The following MGA variants were observed in gnomAD, a reference collection of about 807,000 sequenced individuals.
The protein encoded by MGA is MAX gene-associated protein.
A neutral mutation model predicts 261.1 loss-of-function variants in MGA; 40 were observed. The ratio of observed to expected loss-of-function variants is 0.15; its 90% CI spans 0.12 to 0.20. MGA has a LOEUF of 0.20. Ranked by LOEUF, MGA falls within the 10% of genes least tolerant of loss-of-function variation. The pLI is 1.00. For missense variants in MGA, 3,397 were observed against 3,630.5 expected, an observed-to-expected ratio of 0.94 and a Z score of 1.65; for synonymous variants, 1,302 against 1,290.6, an observed-to-expected ratio of 1.01 and a Z score of -0.19.
chr15:41,767,367 T>G lies in MGA; in HGVS notation c.*87T>G. ...TGCAGGCATCTGTTTGTTTGTGTCTTAGAACTTGGATCCTTGACTTCAATG... is the reference window on the plus strand; with the variant it reads ...TGCAGGCATCTGTTTGTTTGTGTCTGAGAACTTGGATCCTTGACTTCAATG... On this transcript the variant is annotated 3_prime_UTR_variant, in exon 24 of 24. Coordinates refer to ENST00000219905, the MANE Select transcript of MGA (RefSeq NM_001164273.2). 3 of 1,406,428 alleles carry G rather than the reference T, an allele frequency of 2.1e-6. No homozygotes were observed. Among genetic ancestry groups the G allele is most frequent in the Non-Finnish European group, 1.9e-6 (2 of 1,038,536 alleles). 87.1% of individuals were successfully genotyped at this position (1,406,428 alleles called of 1,614,324 possible). A position where few individuals can be genotyped will look rare whatever the true frequency, so the allele number is the denominator to read the frequency against.
chr15:41,647,488 G>T (rs965740837), intron 1 of MGA, among the ~76,000 whole-genome samples: 1 of 152,032 alleles, frequency 6.6e-6, no homozygotes, highest in Non-Finnish European at 1.5e-5. Flanking sequence ...TTAAATCCTT[G>T]ACTCCTTGGT....
At chr15:41,719,538 C>T (rs1225502967) in intron 9 of MGA, among the ~76,000 whole-genome samples, 2 of 152,110 alleles carry the variant, frequency 1.3e-5, no homozygotes, top group East Asian at 3.9e-4. Flanking sequence ...CTCAGGAGTT[C>T]ATGACCAGCC....
intron 1 of MGA, among the ~76,000 whole-genome samples, chr15:41,666,359 G>A (rs901864003): frequency 2.6e-5 from 4 of 152,124 alleles, no homozygotes; most frequent in African/African-American, 7.2e-5. Flanking sequence ...AAGCAAATAT[G>A]TACATGTTCT....
chr15:41,704,289 C>T (rs984480453), intron 5 of MGA, among the ~76,000 whole-genome samples: 1 of 152,024 alleles, frequency 6.6e-6, no homozygotes, highest in Non-Finnish European at 1.5e-5. Context: ...AGCCCATCCT[C>T]CCAAGTAGCT....
chr15:41,740,550 G>C (rs1595928154), intron 14 of MGA, among the ~76,000 whole-genome samples: 1 of 151,944 alleles, frequency 6.6e-6, no homozygotes, highest in East Asian at 1.9e-4. Context: ...TTTCTAAAAA[G>C]GGAAGACATT....
chr15:41,758,960 A>G (rs2063298780), intron 19 of MGA, among the ~76,000 whole-genome samples: 1 of 152,212 alleles, frequency 6.6e-6, no homozygotes. Flanking sequence ...TTTAACGTTT[A>G]TAACCTGTGA....
In MGA at chr15:41,762,460, G is replaced by GTTTTTTTTTT. The variant is rs1491528643; in HGVS notation, c.7744+98_7744+99insTTTTTTTTTT. 1.4e-4 allele frequency: 26 copies of GTTTTTTTTTT among 190,522 alleles called. 2 individuals are homozygous for GTTTTTTTTTT. The highest frequency in any genetic ancestry group is 8.0e-4 in the African/African-American group (19 of 23,876). The allele number at this position is 190,522 out of a possible 1,614,324, so 11.8% of individuals were successfully genotyped here. ...CTTGTCCACATTTTTAGTTTTGTGT[G>GTTTTTTTTTT]GTTTTTTTTTTTTTTTTTTTTTTTT... On this transcript the variant is annotated intron_variant, in intron 22 of 23. Coordinates refer to ENST00000219905, the MANE Select transcript of MGA (RefSeq NM_001164273.2).
rs574555424 is a variant in MGA at position 41,639,613 on chromosome 15, C to T, written c.-68+18315C>T. Among the ~76,000 whole-genome samples, 243 of 151,824 alleles carry T rather than the reference C, an allele frequency of 1.6e-3. 1 individual carries two copies. The highest frequency in any genetic ancestry group is 5.6e-3 in the African/African-American group (231 of 41,424). ...AGGCTGGAGTGCAGTGGCGCAATCT[C>T]GGCTCACTGCAAGCACCGTCTCCTA... On this transcript the variant is annotated intron_variant, in intron 1 of 8. Coordinates refer to the MGA transcript ENST00000566718.
upstream of MGA, among the ~76,000 whole-genome samples, chr15:41,660,111 T>C (rs2057303107): frequency 6.6e-6 from 1 of 152,194 alleles, no homozygotes; most frequent in Admixed American, 6.5e-5. Context: ...CCGCCGGGCA[T>C]TGGTTTCACA....
chr15:41,742,132 A>G (rs1567063404), intron 14 of MGA, among the ~76,000 whole-genome samples: 1 of 151,260 alleles, frequency 6.6e-6, no homozygotes, highest in Non-Finnish European at 1.5e-5. Context: ...CACACCTGTA[A>G]TCCTAGCACT....
upstream of MGA, among the ~76,000 whole-genome samples, chr15:41,657,100 T>C (rs182517109): frequency 7.0e-4 from 107 of 152,132 alleles, no homozygotes; most frequent in African/African-American, 2.3e-3. Flanking sequence ...TAAAAGTTCC[T>C]CTTTGGGTAC....
intron 1 of MGA, among the ~76,000 whole-genome samples, chr15:41,655,132 A>T (rs1217384245): frequency 6.6e-6 from 1 of 151,230 alleles, no homozygotes; most frequent in Non-Finnish European, 1.5e-5. Context: ...TGGTATTTGC[A>T]TGTAACCCAT....
chr15:41,649,136 C>G (rs1290422281), intron 1 of MGA, among the ~76,000 whole-genome samples: 4 of 152,110 alleles, frequency 2.6e-5, no homozygotes, highest in African/African-American at 9.7e-5. Context: ...GTAATCCTAG[C>G]ACTTTGGGAG....
upstream of MGA, among the ~76,000 whole-genome samples, chr15:41,656,158 C>G (rs750383142): frequency 6.6e-6 from 1 of 152,042 alleles, no homozygotes; most frequent in Non-Finnish European, 1.5e-5. Flanking sequence ...CTTACCTGAT[C>G]ATGAGGGTTA....
At chr15:41,761,612 A>G (rs1284153812) in intron 20 of MGA, 127 bp from the exon 21 acceptor site, 2 of 585,924 alleles carry the variant, frequency 3.4e-6, no homozygotes, top group Non-Finnish European at 6.0e-6. Context: ...ACAATTGTTA[A>G]TGGAATTTAA....
rs138502966 is a variant in MGA, at chr15:41,695,561, G to A, written c.1065-514G>A. Among the ~76,000 whole-genome samples the A allele has an allele frequency of 7.2e-5, 11 of 152,220 alleles. No homozygotes were observed. In the East Asian group the frequency reaches 1.7e-3, roughly 24 times the overall value. Reference sequence around the variant, plus strand: ...GCTTTCAATGGATGATTGGGAGGAGGGGGAAACTAGATGTTTATGTTGTTT... The same window carrying A: ...GCTTTCAATGGATGATTGGGAGGAGAGGGAAACTAGATGTTTATGTTGTTT... On this transcript the variant is annotated intron_variant, in intron 2 of 23. Coordinates refer to ENST00000219905, the MANE Select transcript of MGA (RefSeq NM_001164273.2).
chr15:41,744,168 A>G (rs754471512), intron 15 of MGA, among the ~76,000 whole-genome samples: 17 of 152,168 alleles, frequency 1.1e-4, no homozygotes, highest in Non-Finnish European at 2.2e-4. Context: ...TTGAAGGGAA[A>G]AGTGAATCTA....
chr15:41,749,054 G>A, intron 16 of MGA, 57 bp from the exon 17 acceptor site: 3 of 1,554,868 alleles, frequency 1.9e-6, no homozygotes, highest in Non-Finnish European at 1.7e-6. Flanking sequence ...GCAAACATTG[G>A]AAGTCTTGAT....
intron 1 of MGA, among the ~76,000 whole-genome samples, chr15:41,650,143 G>A (rs1223983261): frequency 6.6e-6 from 1 of 152,176 alleles, no homozygotes; most frequent in Non-Finnish European, 1.5e-5. Flanking sequence ...TCATCATTGA[G>A]TATTGGTTAT....
Sources: allele counts gnomAD v4.1 joint callset (sites outside exome capture counted in the v4.1 genomes callset), GRCh38; gene constraint gnomAD v4.1.1; transcripts MANE v1.5; gene names NCBI Gene and HGNC (gene_info 2026-07-23, HGNC 2026-07-21).